The following PPP2R2A variants were observed in gnomAD, a reference collection of about 807,000 sequenced individuals.
PPP2R2A encodes serine/threonine-protein phosphatase 2A 55 kDa regulatory subunit B alpha isoform.
PPP2R2A carries 9 observed loss-of-function variants against 53.2 expected under a neutral mutation model. The observed-to-expected ratio is 0.17, with a 90% confidence interval of 0.10 to 0.30. The LOEUF is 0.30. PPP2R2A is among the 10% of genes least tolerant of loss of function. The pLI, the probability that PPP2R2A is intolerant of heterozygous loss-of-function variation, is 1.00. For synonymous variants in PPP2R2A, 169 were observed against 174.2 expected (o/e 0.97, Z 0.23); for missense variants, 235 against 534.6 (o/e 0.44, Z 5.53).
In PPP2R2A at chr8:26,291,677, T is replaced by TGCCCCCC; in HGVS notation, c.-143_-142insGCCCCCC. 4.4e-6 allele frequency: 2 copies of TGCCCCCC among 451,624 alleles called. No homozygotes were observed. Among genetic ancestry groups the TGCCCCCC allele is most frequent in the Non-Finnish European group, 8.3e-6 (2 of 242,350 alleles). 28.0% of individuals were successfully genotyped at this position (451,624 alleles called of 1,614,324 possible). A position where few individuals can be genotyped will look rare whatever the true frequency, so the allele number is the denominator to read the frequency against. On this transcript the variant is annotated 5_prime_UTR_variant, in exon 1 of 10. Transcript: ENST00000380737. ...TGGTCTGCCCGCCCCTCCTTCCTTT[T>TGCCCCCC]CCCCCCGGCCCCCGTCCCCTCCCCC...
intron 9 of PPP2R2A, among the ~76,000 whole-genome samples, chr8:26,366,701 T>G (rs1005950348): frequency 3.3e-5 from 5 of 152,170 alleles, no homozygotes; most frequent in South Asian, 2.1e-4. Flanking sequence ...TCAGCTTGGT[T>G]GTTATTCTTC....
chr8:26,304,440 A>G (rs967843092), intron 2 of PPP2R2A, among the ~76,000 whole-genome samples: 2 of 152,146 alleles, frequency 1.3e-5, no homozygotes, highest in Non-Finnish European at 2.9e-5. Flanking sequence ...GGTAAAAGGG[A>G]TTGGGGGCAA....
chr8:26,341,561 A>G (rs1585381210), intron 3 of PPP2R2A, among the ~76,000 whole-genome samples: 1 of 152,200 alleles, frequency 6.6e-6, no homozygotes, highest in Admixed American at 6.5e-5. Context: ...ACAAGGTTAT[A>G]TTGCTTCATT....
At chr8:26,348,595 A>C (rs1804340878) in intron 3 of PPP2R2A, among the ~76,000 whole-genome samples, 1 of 152,224 alleles carries the variant, frequency 6.6e-6, no homozygotes, top group South Asian at 2.1e-4. Context: ...TATGGAAAAA[A>C]ATGTGAAATC....
intron 2 of PPP2R2A, among the ~76,000 whole-genome samples, chr8:26,318,784 AG>A (rs1436283797): frequency 3.3e-5 from 5 of 152,190 alleles, no homozygotes; most frequent in African/African-American, 1.2e-4. Flanking sequence ...GATAACATTA[AG>A]CCAATGAATT....
chr8:26,297,943 CA>C (rs1801613700), intron 2 of PPP2R2A, among the ~76,000 whole-genome samples: 1 of 152,112 alleles, frequency 6.6e-6, no homozygotes, highest in Non-Finnish European at 1.5e-5. Flanking sequence ...TTACAAAATA[CA>C]TTCAAAATTA....
intron 2 of PPP2R2A, among the ~76,000 whole-genome samples, chr8:26,295,669 C>T (rs1386344925): frequency 2.0e-5 from 3 of 152,220 alleles, no homozygotes; most frequent in Admixed American, 6.5e-5. Flanking sequence ...TTCTTAGCAT[C>T]GTAAAATGCT....
Position 26,366,424 on chromosome 8 carries a change from C to T in PPP2R2A, c.1064+18C>T, listed in dbSNP as rs776599866. The T allele has an allele frequency of 6.6e-7, 1 of 1,510,226 alleles. No homozygotes were observed. The highest frequency in any genetic ancestry group is 9.0e-7 in the Non-Finnish European group (1 of 1,116,240). The allele number at this position is 1,510,226 out of a possible 1,614,324, so 93.6% of individuals were successfully genotyped here. On this transcript the variant is annotated intron_variant, in intron 9 of 9. Transcript: ENST00000380737. ...TCTGACAGGTAATTAAGTCAAACCT[C>T]TCAAATATGAATTTTATTAAAGAAA...
At chr8:26,366,902 G>C (rs967764051) in intron 9 of PPP2R2A, among the ~76,000 whole-genome samples, 5 of 152,000 alleles carry the variant, frequency 3.3e-5, no homozygotes, top group African/African-American at 4.8e-5. Context: ...ATAATTTCCA[G>C]TTTTGCCGTA....
intron 2 of PPP2R2A, among the ~76,000 whole-genome samples, chr8:26,330,404 G>C (rs1304246222): frequency 6.6e-6 from 1 of 151,074 alleles, no homozygotes; most frequent in African/African-American, 2.4e-5. Context: ...CACCTCCCGG[G>C]TTCAAGCGAT....
chr8:26,370,271 G>A lies in PPP2R2A; in HGVS notation c.1202G>A (p.Gly401Asp). The A allele has an allele frequency of 6.2e-7, 1 of 1,614,116 alleles. No individual in the cohort carries two copies. Among genetic ancestry groups the A allele is most frequent in the Non-Finnish European group, 8.5e-7 (1 of 1,179,998 alleles). The part of the protein sequence containing the change: ...VLKPRKVCAS[G>D]KRKKDEISVD... ...AAGCCTCGCAAAGTCTGTGCAAGTG[G>A]CAAGCGAAAGAAAGATGAAATAAGT... The change falls in exon 10 of 10, where the codon GGC (glycine) becomes GAC (aspartate). Residue 401 changes from glycine to aspartate, a missense_variant. Gly to Asp is a moderately conservative substitution (Grantham distance 94). Around this residue, in one of 3 missense-constraint regions of PPP2R2A, gnomAD observed 181 missense variants for 409.9 expected, o/e 0.44. Coordinates refer to ENST00000380737, the MANE Select transcript of PPP2R2A (RefSeq NM_002717.4). The surrounding 1 kb of genome is among the most constrained non-coding windows in gnomAD (Gnocchi z 6.1).
chr8:26,333,542 A>G, intron 2 of PPP2R2A: 1 of 1,198,914 alleles, frequency 8.3e-7, no homozygotes, highest in Non-Finnish European at 1.1e-6. Flanking sequence ...GAGTGACTCC[A>G]TAAAGTGCCT....
chr8:26,345,120 A>C (rs1429324060), intron 3 of PPP2R2A, among the ~76,000 whole-genome samples: 1 of 152,206 alleles, frequency 6.6e-6, no homozygotes, highest in Non-Finnish European at 1.5e-5. Context: ...AAAAAGTTTC[A>C]AATTGTGGAG....
At chr8:26,368,293 C>A (rs1345578027) in intron 9 of PPP2R2A, among the ~76,000 whole-genome samples, 1 of 152,138 alleles carries the variant, frequency 6.6e-6, no homozygotes, top group Non-Finnish European at 1.5e-5. Context: ...CAGTAGGTGA[C>A]CTTTGTATGT....
intron 2 of PPP2R2A, among the ~76,000 whole-genome samples, chr8:26,299,505 G>C (rs1266669932): frequency 6.6e-6 from 1 of 152,064 alleles, no homozygotes; most frequent in Non-Finnish European, 1.5e-5. Context: ...TTTGCTTTCT[G>C]TTTACTTTTG....
intron 2 of PPP2R2A, among the ~76,000 whole-genome samples, chr8:26,336,735 G>A (rs1241451767): frequency 3.9e-5 from 6 of 151,966 alleles, no homozygotes; most frequent in Admixed American, 6.6e-5. Context: ...TTAAAAATTA[G>A]CCAGGTATGG....
chr8:26,368,203 G>T (rs781686350), intron 9 of PPP2R2A, among the ~76,000 whole-genome samples: 5 of 152,156 alleles, frequency 3.3e-5, no homozygotes, highest in Non-Finnish European at 7.3e-5. Context: ...TCAGGGGCAC[G>T]CATTACCTTG....
intron 4 of PPP2R2A, among the ~76,000 whole-genome samples, chr8:26,356,142 A>T (rs1281045950): frequency 2.0e-5 from 3 of 152,334 alleles, no homozygotes; most frequent in African/African-American, 7.2e-5. Context: ...CTCACTATTA[A>T]TTTAAAAAGC....
At chr8:26,345,880 A>G (rs1804186816) in intron 3 of PPP2R2A, among the ~76,000 whole-genome samples, 1 of 152,154 alleles carries the variant, frequency 6.6e-6, no homozygotes, top group Non-Finnish European at 1.5e-5. Context: ...GATGGGCCAC[A>G]TATTGTGAGA....
Sources: allele counts gnomAD v4.1 joint callset (sites outside exome capture counted in the v4.1 genomes callset), GRCh38; gene constraint gnomAD v4.1.1; regional missense constraint gnomAD v4.1.1; non-coding constraint Gnocchi (gnomAD v3.1); transcripts MANE v1.5; gene names NCBI Gene and HGNC (gene_info 2026-07-23, HGNC 2026-07-21).